BRINP3: variants seen among roughly 807,000 people sequenced by gnomAD.
The protein encoded by BRINP3 is BMP/retinoic acid inducible neural specific 3.
In BRINP3, 19 loss-of-function variants were observed where a neutral mutation model predicts 71.0. The ratio of observed to expected loss-of-function variants is 0.27; its 90% confidence interval spans 0.19 to 0.39. BRINP3 has a LOEUF of 0.39. BRINP3 is among the 10% of genes least tolerant of loss of function. The pLI, the probability that BRINP3 is intolerant of heterozygous loss-of-function variation, is 1.00. For synonymous variants in BRINP3, 380 were observed against 337.7 expected (o/e 1.13, Z -1.37); for missense variants, 959 against 940.8 (o/e 1.02, Z -0.25).
chr1:190,467,884 C>G (rs1362819128), intron 1 of BRINP3, among the ~76,000 whole-genome samples: 2 of 151,342 alleles, frequency 1.3e-5, no homozygotes, highest in African/African-American at 4.8e-5. Context: ...AAGAATCACT[C>G]AAATTTTGAA....
At chr1:190,106,319 T>G (rs1392549861) in intron 7 of BRINP3, among the ~76,000 whole-genome samples, 3 of 151,728 alleles carry the variant, frequency 2.0e-5, no homozygotes, top group African/African-American at 4.8e-5. Context: ...TTTCATAATT[T>G]TATTATCATA....
At chr1:190,204,012 T>C (rs1051873160) in intron 6 of BRINP3, among the ~76,000 whole-genome samples, 26 of 151,446 alleles carry the variant, frequency 1.7e-4, no homozygotes, top group Admixed American at 1.7e-3. Flanking sequence ...AATTTCATTA[T>C]ATGATACCAA....
intron 6 of BRINP3, among the ~76,000 whole-genome samples, chr1:190,187,575 C>T (rs1653641760): frequency 6.6e-6 from 1 of 152,046 alleles, no homozygotes; most frequent in South Asian, 2.1e-4. Flanking sequence ...ACAAAATTTT[C>T]TAATTTTATT....
At chr1:190,244,587 C>G (rs922253302) in intron 4 of BRINP3, among the ~76,000 whole-genome samples, 3 of 152,100 alleles carry the variant, frequency 2.0e-5, no homozygotes, top group African/African-American at 7.2e-5. Context: ...GAATCCAGGG[C>G]ATTGACAGCT....
At chr1:190,129,631 C>T (rs533758340) in intron 7 of BRINP3, among the ~76,000 whole-genome samples, 201 of 151,924 alleles carry the variant, frequency 1.3e-3, no homozygotes, top group Non-Finnish European at 2.4e-3. Flanking sequence ...GACTTTTAAA[C>T]TGTAGATGAT....
chr1:190,283,471 G>A (rs539579654), intron 2 of BRINP3, among the ~76,000 whole-genome samples: 1 of 151,710 alleles, frequency 6.6e-6, no homozygotes, highest in African/African-American at 2.4e-5. Flanking sequence ...TAAATATAGG[G>A]CTTTTATAGG....
At chr1:190,417,015 T>A (rs967395774) in intron 2 of BRINP3, among the ~76,000 whole-genome samples, 4 of 152,172 alleles carry the variant, frequency 2.6e-5, no homozygotes, top group African/African-American at 9.7e-5. Context: ...TTTGATATGC[T>A]TACTTCAGAA....
intron 7 of BRINP3, among the ~76,000 whole-genome samples, chr1:190,116,559 G>A (rs1653152122): frequency 6.6e-6 from 1 of 151,970 alleles, no homozygotes; most frequent in Non-Finnish European, 1.5e-5. Context: ...TCTCCACCCT[G>A]GGGTAACATG....
At chr1:190,383,038 T>C (rs1670649519) in intron 2 of BRINP3, among the ~76,000 whole-genome samples, 1 of 152,160 alleles carries the variant, frequency 6.6e-6, no homozygotes, top group Admixed American at 6.6e-5. Context: ...CAGGTGGAAC[T>C]GGTATATGAA....
At chr1:190,430,764 G>A (rs914632885) in intron 2 of BRINP3, among the ~76,000 whole-genome samples, 1 of 152,162 alleles carries the variant, frequency 6.6e-6, no homozygotes, top group Non-Finnish European at 1.5e-5. Context: ...AGTGTGAAAT[G>A]TTGAAAGTAT....
intron 2 of BRINP3, among the ~76,000 whole-genome samples, chr1:190,324,813 C>T (rs897928418): frequency 6.6e-6 from 1 of 151,178 alleles, no homozygotes; most frequent in Non-Finnish European, 1.5e-5. Flanking sequence ...AATAAATTAC[C>T]CGTAATTAAT....
intron 6 of BRINP3, among the ~76,000 whole-genome samples, chr1:190,208,001 A>G (rs966821028): frequency 6.6e-6 from 1 of 152,174 alleles, no homozygotes; most frequent in African/African-American, 2.4e-5. Context: ...TCGCTGTGTC[A>G]CCCAAGCTGG....
At chr1:190,242,685 C>T (rs964684331) in intron 4 of BRINP3, among the ~76,000 whole-genome samples, 1 of 151,740 alleles carries the variant, frequency 6.6e-6, no homozygotes, top group East Asian at 1.9e-4. Context: ...TTGCCTTTTA[C>T]AGGAGAAATA....
Position 190,455,891 on chromosome 1 carries a change from T to C in BRINP3, c.-50-951A>G, listed in dbSNP as rs571040614. 2.0e-5 allele frequency among the ~76,000 whole-genome samples: 3 copies of C among 152,296 alleles called. No individual in the cohort carries two copies. In the South Asian group the frequency reaches 6.2e-4, roughly 32 times the overall value. ...ACTTTATGCAAAGCTGCTGATGCAA[T>C]GTCTATATGCTACACCAGAAAATTC... On this transcript the variant is annotated intron_variant, in intron 1 of 7. Coordinates refer to ENST00000367462, the MANE Select transcript of BRINP3 (RefSeq NM_199051.3).
intron 7 of BRINP3, among the ~76,000 whole-genome samples, chr1:190,111,720 C>T (rs1050451699): frequency 6.6e-6 from 1 of 152,040 alleles, no homozygotes; most frequent in African/African-American, 2.4e-5. Context: ...CAGGAGCCAT[C>T]TTGCCATTTC....
intron 2 of BRINP3, among the ~76,000 whole-genome samples, chr1:190,448,883 A>G (rs1405241339): frequency 2.0e-5 from 3 of 151,940 alleles, no homozygotes; most frequent in Non-Finnish European, 4.4e-5. Flanking sequence ...TTCAAAATAC[A>G]CATGAAGCTT....
At chr1:190,302,359 A>G (rs1408458429) in intron 2 of BRINP3, among the ~76,000 whole-genome samples, 1 of 150,186 alleles carries the variant, frequency 6.7e-6, no homozygotes, top group Non-Finnish European at 1.5e-5. Flanking sequence ...TCACACTGTG[A>G]TTTAAAAAGA....
intron 2 of BRINP3, among the ~76,000 whole-genome samples, chr1:190,308,127 C>T (rs1665246677): frequency 6.6e-6 from 1 of 151,904 alleles, no homozygotes; most frequent in South Asian, 2.1e-4. Flanking sequence ...AAAACTGTGG[C>T]TTCGATAGTT....
intron 6 of BRINP3, among the ~76,000 whole-genome samples, chr1:190,180,462 A>G (rs1222306976): frequency 1.3e-5 from 2 of 152,096 alleles, no homozygotes; most frequent in Non-Finnish European, 2.9e-5. Context: ...TTAGATCAGA[A>G]AAGTTCATTC....
Sources: gnomAD v4.1 joint callset for allele counts (sites outside exome capture counted in the v4.1 genomes callset) on GRCh38, gnomAD v4.1.1 for gene constraint, MANE v1.5 for transcripts, NCBI Gene and HGNC (gene_info 2026-07-23, HGNC 2026-07-21) for gene names.